RORA: variants seen among roughly 807,000 people sequenced by gnomAD.
RORA encodes nuclear receptor ROR-alpha.
In RORA, 7 loss-of-function variants were observed where a neutral mutation model predicts 69.5. The ratio of observed to expected loss-of-function variants is 0.10; its 90% CI spans 0.06 to 0.19. RORA has a LOEUF of 0.19. RORA is among the 10% of genes least tolerant of loss of function. The pLI, the probability that RORA is intolerant of heterozygous loss-of-function variation, is 1.00. For missense variants in RORA, 457 were observed against 663.0 expected, an observed-to-expected ratio of 0.69 and a Z score of 3.41; for synonymous variants, 261 against 240.8, an observed-to-expected ratio of 1.08 and a Z score of -0.78.
intron 2 of RORA, among the ~76,000 whole-genome samples, chr15:60,603,574 C>G (rs1157760131): frequency 6.6e-6 from 1 of 152,186 alleles, no homozygotes; most frequent in Non-Finnish European, 1.5e-5. Context: ...AGTCTGTGCT[C>G]ATAACTTTTT....
At chr15:61,102,101 C>A (rs1168447587) in intron 1 of RORA, among the ~76,000 whole-genome samples, 2 of 152,130 alleles carry the variant, frequency 1.3e-5, no homozygotes, top group East Asian at 1.9e-4. Flanking sequence ...ACATTTCTCC[C>A]AGCCCTCAGC....
intron 1 of RORA, among the ~76,000 whole-genome samples, chr15:61,088,682 G>T (rs1052717419): frequency 6.6e-6 from 1 of 152,166 alleles, no homozygotes; most frequent in Admixed American, 6.5e-5. Context: ...GCATGGCTGG[G>T]TCTGAGAGCA....
intron 1 of RORA, among the ~76,000 whole-genome samples, chr15:60,695,899 G>A (rs569675569): frequency 5.2e-4 from 79 of 152,078 alleles, no homozygotes; most frequent in African/African-American, 1.7e-3. Flanking sequence ...AGCATCAGTC[G>A]CAGAATGAAT....
intron 1 of RORA, among the ~76,000 whole-genome samples, chr15:60,963,553 G>C (rs1893471183): frequency 6.6e-6 from 1 of 152,216 alleles, no homozygotes; most frequent in Non-Finnish European, 1.5e-5. Flanking sequence ...TGGCCTCCTG[G>C]ACGGGGTAAG....
chr15:60,794,834 C>T (rs1337607631), intron 1 of RORA, among the ~76,000 whole-genome samples: 1 of 152,154 alleles, frequency 6.6e-6, no homozygotes, highest in East Asian at 1.9e-4. Context: ...CCTCATGCGC[C>T]CATATCCTAG....
chr15:60,554,065 G>A (rs2067294136), intron 2 of RORA, among the ~76,000 whole-genome samples: 1 of 152,104 alleles, frequency 6.6e-6, no homozygotes, highest in Admixed American at 6.5e-5. Flanking sequence ...ATATAAGCGG[G>A]TAGAGGAAGA....
chr15:60,980,114 T>G (rs1214179971), intron 1 of RORA, among the ~76,000 whole-genome samples: 1 of 151,990 alleles, frequency 6.6e-6, no homozygotes, highest in African/African-American at 2.4e-5. Flanking sequence ...TTAAATCCTT[T>G]TTCTATATCT....
At chr15:60,772,220 C>CA (rs2072087515) in intron 1 of RORA, among the ~76,000 whole-genome samples, 2 of 152,062 alleles carry the variant, frequency 1.3e-5, no homozygotes, top group African/African-American at 4.8e-5. Context: ...CCCCCACCCC[C>CA]CTGACAGGCC....
At chr15:60,936,972 T>C (rs1471282233) in intron 1 of RORA, among the ~76,000 whole-genome samples, 1 of 152,164 alleles carries the variant, frequency 6.6e-6, no homozygotes, top group African/African-American at 2.4e-5. Flanking sequence ...GGAAAGGGTA[T>C]AGGTCTTATA....
rs185153072 is a variant in RORA at position 61,061,321 on chromosome 15, C to T, written c.166+167732G>A. Among the ~76,000 whole-genome samples, 3 of 151,524 alleles carry T rather than the reference C, an allele frequency of 2.0e-5. No individual in the cohort carries two copies. The highest frequency in any genetic ancestry group is 1.3e-4 in the Admixed American group (2 of 15,226). On this transcript the variant is annotated intron_variant, in intron 1 of 10. Coordinates refer to ENST00000335670, the MANE Select transcript of RORA (RefSeq NM_134261.3). This position sits in a 1 kb window ranked among gnomAD's most constrained non-coding sequence, Gnocchi z 4.4. ...TGAGCCGAGGTTGTGCCACTGCAGGCGTGCAGGGAGACAGAGCGAGGCTCT... is the reference window on the plus strand; with the variant it reads ...TGAGCCGAGGTTGTGCCACTGCAGGTGTGCAGGGAGACAGAGCGAGGCTCT...
intron 1 of RORA, among the ~76,000 whole-genome samples, chr15:61,155,217 T>C (rs1220489932): frequency 6.6e-6 from 1 of 152,196 alleles, no homozygotes; most frequent in African/African-American, 2.4e-5. Context: ...GTCCCGTAAA[T>C]ATGTACATTA....
At chr15:60,965,506 GA>G (rs1477642207) in intron 1 of RORA, among the ~76,000 whole-genome samples, 3 of 152,146 alleles carry the variant, frequency 2.0e-5, no homozygotes, top group Non-Finnish European at 4.4e-5. Flanking sequence ...AATTACATGA[GA>G]CACAGAGAGT....
intron 1 of RORA, among the ~76,000 whole-genome samples, chr15:61,009,496 T>G (rs868782394): frequency 2.6e-5 from 4 of 152,184 alleles, no homozygotes; most frequent in Admixed American, 2.0e-4. Flanking sequence ...ATCTGGCAAA[T>G]TAGAAAGACA....
intron 3 of RORA, among the ~76,000 whole-genome samples, chr15:60,519,166 C>T (rs1444763417): frequency 6.6e-6 from 1 of 152,164 alleles, no homozygotes; most frequent in Non-Finnish European, 1.5e-5. Flanking sequence ...GGGGGGACTA[C>T]TGTGTAACAA....
chr15:61,108,316 A>AT (rs1199932711), intron 1 of RORA, among the ~76,000 whole-genome samples: 6 of 152,092 alleles, frequency 3.9e-5, no homozygotes, highest in Non-Finnish European at 2.9e-5. Context: ...TGAGCCAATG[A>AT]TTTTTTTTAA....
chr15:60,663,896 A>C (rs933931463), intron 2 of RORA, among the ~76,000 whole-genome samples: 3 of 152,202 alleles, frequency 2.0e-5, no homozygotes, highest in Non-Finnish European at 4.4e-5. Flanking sequence ...CCAACTCTCC[A>C]GAATTCTTGT....
At chr15:60,724,663 G>A (rs1202169861) in intron 1 of RORA, among the ~76,000 whole-genome samples, 1 of 152,156 alleles carries the variant, frequency 6.6e-6, no homozygotes, top group African/African-American at 2.4e-5. Flanking sequence ...TTTAATAGGA[G>A]CTCCCATATC....
chr15:61,014,785 G>A (rs1464943576), intron 1 of RORA, among the ~76,000 whole-genome samples: 2 of 152,138 alleles, frequency 1.3e-5, no homozygotes, highest in Non-Finnish European at 2.9e-5. Flanking sequence ...GAAGCCAAAG[G>A]GGTAGAAAGA....
intron 1 of RORA, among the ~76,000 whole-genome samples, chr15:60,813,317 G>T (rs1014761138): frequency 6.6e-6 from 1 of 152,176 alleles, no homozygotes; most frequent in Non-Finnish European, 1.5e-5. Context: ...CTATCTGGAC[G>T]CCCAGCTGCT....
Sources: allele counts gnomAD v4.1 joint callset (sites outside exome capture counted in the v4.1 genomes callset), GRCh38; gene constraint gnomAD v4.1.1; non-coding constraint Gnocchi (gnomAD v3.1); transcripts MANE v1.5; gene names NCBI Gene and HGNC (gene_info 2026-07-23, HGNC 2026-07-21).